The following SH3TC1 variants were observed in gnomAD, a reference collection of about 807,000 sequenced individuals.
The protein encoded by SH3TC1 is SH3 domain and tetratricopeptide repeat-containing protein 1.
SH3TC1 carries 135 observed loss-of-function variants against 117.3 expected under a neutral mutation model. The observed-to-expected ratio is 1.15, with a 90% CI of 1.00 to 1.33. The LOEUF is 1.33. Among genes scored for constraint, SH3TC1 ranks in the 40% most tolerant of loss-of-function variants. SH3TC1 has a pLI of 0.00. For synonymous variants in SH3TC1, 898 were observed against 816.9 expected (o/e 1.10, Z -1.69); for missense variants, 2,092 against 1,794.3 (o/e 1.17, Z -3.00).
intron 1 of SH3TC1, among the ~76,000 whole-genome samples, chr4:8,191,560 T>C (rs1232005369): frequency 6.6e-6 from 1 of 152,176 alleles, no homozygotes; most frequent in Non-Finnish European, 1.5e-5. Flanking sequence ...CGCTGCTGAA[T>C]AGGGCACCGT....
In SH3TC1 at chr4:8,209,980, G is replaced by A. The variant is rs948734416; in HGVS notation, c.247+158G>A. On this transcript the variant is annotated intron_variant, in intron 3 of 17. Coordinates refer to ENST00000245105, the MANE Select transcript of SH3TC1 (RefSeq NM_018986.5). This position sits in a 1 kb window ranked among gnomAD's most constrained non-coding sequence, Gnocchi z 5.9. ...ATAGAAAGAAGGGTTTGTTAAATGC[G>A]CATGCCCAGGTCCTGCACCCAGAGG... 1.3e-5 allele frequency among the ~76,000 whole-genome samples: 2 copies of A among 152,182 alleles called. No homozygotes were observed. Among genetic ancestry groups the A allele is most frequent in the Non-Finnish European group, 2.9e-5 (2 of 68,032 alleles).
intron 12 of SH3TC1, among the ~76,000 whole-genome samples, chr4:8,230,384 C>T (rs1287180532): frequency 6.6e-6 from 1 of 152,192 alleles, no homozygotes; most frequent in Non-Finnish European, 1.5e-5. Flanking sequence ...GATCCTCCCA[C>T]CTCGGCCTCA....
At chr4:8,208,751 G>A (rs1027871535) in intron 2 of SH3TC1, among the ~76,000 whole-genome samples, 4 of 152,218 alleles carry the variant, frequency 2.6e-5, no homozygotes, top group African/African-American at 7.2e-5. Context: ...TGGCCACACC[G>A]GGCGAGTGCA....
Position 8,206,012 on chromosome 4 carries a change from C to T in SH3TC1, c.172+646C>T, listed in dbSNP as rs1718177069. On this transcript the variant is annotated intron_variant, in intron 2 of 17. Coordinates refer to ENST00000245105, the MANE Select transcript of SH3TC1 (RefSeq NM_018986.5). The surrounding 1 kb of genome is among the most constrained non-coding windows in gnomAD (Gnocchi z 5.5). Reference sequence around the variant, plus strand: ...TCGTCCTCCCAGTGTCCAGCCTCAGCCCAGTCTCCTCTTAGCTGCCTATGT... The same window carrying T: ...TCGTCCTCCCAGTGTCCAGCCTCAGTCCAGTCTCCTCTTAGCTGCCTATGT... 9.1e-6 allele frequency: 3 copies of T among 330,562 alleles called. No individual in the cohort carries two copies. Among genetic ancestry groups the T allele is most frequent in the Non-Finnish European group, 1.7e-5 (3 of 178,700 alleles). 20.5% of individuals were successfully genotyped at this position (330,562 alleles called of 1,614,324 possible).
At position 8,236,442 on chromosome 4, in the gene SH3TC1, G is replaced by GC. The variant is rs1721826214; in HGVS notation, c.3556+18dup. 1 of 1,431,066 alleles carries GC rather than the reference G, an allele frequency of 7.0e-7. No homozygotes were observed. The highest frequency in any genetic ancestry group is 9.2e-7 in the Non-Finnish European group (1 of 1,084,122). 88.6% of individuals were successfully genotyped at this position (1,431,066 alleles called of 1,614,324 possible). A position where few individuals can be genotyped will look rare whatever the true frequency, so the allele number is the denominator to read the frequency against. On this transcript the variant is annotated intron_variant, in intron 16 of 17. Coordinates refer to ENST00000245105, the MANE Select transcript of SH3TC1 (RefSeq NM_018986.5). The stretch of plus-strand genomic sequence containing the variant: ...GCATCACCCTGGGTAAGCCCCCTGA[G>GC]CCCCTGCCCTGCCAGGACCCACACT...
chr4:8,207,109 C>T (rs1196875721), intron 2 of SH3TC1, among the ~76,000 whole-genome samples: 6 of 151,114 alleles, frequency 4.0e-5, no homozygotes, highest in Admixed American at 3.3e-4. Flanking sequence ...TCCTGGGTCA[C>T]ACCTTGTGTT....
chr4:8,212,351 C>A (rs1442419535), intron 3 of SH3TC1, among the ~76,000 whole-genome samples: 2 of 152,012 alleles, frequency 1.3e-5, no homozygotes, highest in African/African-American at 4.8e-5. Flanking sequence ...GGGCGGAGCG[C>A]TGAGGGGAGG....
chr4:8,186,553 G>A lies in SH3TC1; in HGVS notation c.-57+4343G>A, dbSNP rs998482282. Among the ~76,000 whole-genome samples, 2 of 152,228 alleles carry A rather than the reference G, an allele frequency of 1.3e-5. No individual in the cohort carries two copies. The highest frequency in any genetic ancestry group is 2.9e-5 in the Non-Finnish European group (2 of 68,036). ...CAGGTGTGAGATGGTCATCACGGGG[G>A]AGGCTGATGGGAGTTTATGCCAATG... On this transcript the variant is annotated intron_variant, in intron 1 of 16. Transcript: ENST00000508641. The surrounding 1 kb of genome is among the most constrained non-coding windows in gnomAD (Gnocchi z 5.2).
chr4:8,232,548 C>G, intron 13 of SH3TC1: 1 of 1,365,672 alleles, frequency 7.3e-7, no homozygotes, highest in African/African-American at 1.5e-5. Context: ...CCACAGCAGC[C>G]ACCTGTGGCT....
rs376361208 is a variant in SH3TC1, at chr4:8,222,957, C to T, written c.1230C>T (p.Ser410=). The change falls in exon 10 of 18, where the codon AGC becomes AGT. Residue 410 remains serine, a synonymous_variant. Coordinates refer to ENST00000245105, the MANE Select transcript of SH3TC1 (RefSeq NM_018986.5). ...LRRMSGTDVC[S]VYSLDSVEEA... The stretch of plus-strand genomic sequence containing the variant: ...GGATGTCGGGCACCGATGTCTGCAG[C>T]GTGTACAGCCTGGGTGCGTGTGGGC... The T allele has an allele frequency of 4.7e-5, 76 of 1,612,042 alleles. 1 individual carries two copies. The South Asian group carries it at 6.2e-4, about 13-fold the overall frequency.
chr4:8,231,937 G>T, intron 12 of SH3TC1, 39 bp from the exon 13 acceptor site: 1 of 1,602,830 alleles, frequency 6.2e-7, no homozygotes, highest in East Asian at 2.2e-5. Context: ...TCGCTTCAAT[G>T]CTGGGAGGCT....
At chr4:8,220,520 G>A (rs766201550) in intron 9 of SH3TC1, among the ~76,000 whole-genome samples, 5 of 152,168 alleles carry the variant, frequency 3.3e-5, no homozygotes, top group Non-Finnish European at 4.4e-5. Context: ...TGCCCAGTGC[G>A]AGCAGCAGCA....
Position 8,205,336 on chromosome 4 carries a change from C to T in SH3TC1, c.142C>T (p.Pro48Ser). The T allele has an allele frequency of 6.5e-7, 1 of 1,549,482 alleles. No homozygotes were observed. Among genetic ancestry groups the T allele is most frequent in the East Asian group, 2.4e-5 (1 of 40,910 alleles). ...CTCTGTGAGCTGGGAGAAAGCGGGG[C>T]CCGAGGAGGCCAAGGCGCCAGTGAG... Reference protein sequence around the residue: ...RPSVSWEKAGPEEAKAPVRGD... With the variant: ...RPSVSWEKAGSEEAKAPVRGD... Residue 48 changes from proline to serine, a missense_variant, in exon 2 of 18, where the codon CCC becomes TCC. Physicochemically the swap from Pro to Ser is moderately conservative, Grantham distance 74. Transcript: ENST00000245105. The surrounding 1 kb of genome is among the most constrained non-coding windows in gnomAD (Gnocchi z 5.4).
chr4:8,220,308 G>C (rs1719786918), intron 9 of SH3TC1, among the ~76,000 whole-genome samples: 1 of 152,118 alleles, frequency 6.6e-6, no homozygotes, highest in African/African-American at 2.4e-5. Flanking sequence ...GGTGACACGT[G>C]TGTCCTTCTG....
chr4:8,230,941 G>A (rs1272612853), intron 12 of SH3TC1, among the ~76,000 whole-genome samples: 2 of 151,962 alleles, frequency 1.3e-5, no homozygotes, highest in African/African-American at 4.8e-5. Context: ...CACCACACCC[G>A]GCTAATTTTT....
chr4:8,220,197 C>T (rs1719771940), intron 9 of SH3TC1, among the ~76,000 whole-genome samples: 1 of 152,196 alleles, frequency 6.6e-6, no homozygotes, highest in Non-Finnish European at 1.5e-5. Flanking sequence ...ATCCAGTACA[C>T]ACGTCGCTCT....
At position 8,186,210 on chromosome 4, in the gene SH3TC1, A is replaced by G. The variant is rs936712448; in HGVS notation, c.-57+4000A>G. Among the ~76,000 whole-genome samples, 1 of 152,260 alleles carries G rather than the reference A, an allele frequency of 6.6e-6. No homozygotes were observed. Among genetic ancestry groups the G allele is most frequent in the Non-Finnish European group, 1.5e-5 (1 of 68,052 alleles). On this transcript the variant is annotated intron_variant, in intron 1 of 16. Transcript: ENST00000508641. This position sits in a 1 kb window ranked among gnomAD's most constrained non-coding sequence, Gnocchi z 5.2. ...AGCCTGACTCCGAACCAAGACCAGC[A>G]GCAAAATTTGCTTGTTGCACATTAA...
chr4:8,233,683 TTCCATCCATCCATCATCCA>T (rs925167680), intron 14 of SH3TC1, among the ~76,000 whole-genome samples, 170 bp downstream of exon 14: 1 of 149,926 alleles, frequency 6.7e-6, no homozygotes, highest in Non-Finnish European at 1.5e-5. Context: ...CTATGGGTCC[TTCCATCCATCCATCATCCA>T]TCCATCCATC....
intron 1 of SH3TC1, among the ~76,000 whole-genome samples, chr4:8,185,533 T>G (rs1717194417): frequency 6.6e-6 from 1 of 152,176 alleles, no homozygotes. Context: ...TTTTCACAAG[T>G]GCAAACAGAT....
Sources: allele counts gnomAD v4.1 joint callset (sites outside exome capture counted in the v4.1 genomes callset), GRCh38; gene constraint gnomAD v4.1.1; non-coding constraint Gnocchi (gnomAD v3.1); transcripts MANE v1.5; gene names NCBI Gene and HGNC (gene_info 2026-07-23, HGNC 2026-07-21).